Variants in TFRC observed in about 807,000 individuals in gnomAD.
TFRC encodes the protein transferrin receptor protein 1.
TFRC carries 35 observed loss-of-function variants against 85.8 expected under a neutral mutation model. The ratio of observed to expected loss-of-function variants is 0.41; its 90% CI spans 0.31 to 0.54. The LOEUF is 0.54. Among genes scored for constraint, TFRC ranks in the 20% least tolerant of loss-of-function variants. The pLI, the probability that TFRC is intolerant of heterozygous loss-of-function variation, is 0.31. For synonymous variants in TFRC, 362 were observed against 328.6 expected, an observed-to-expected ratio of 1.10 and a Z score of -1.10; for missense variants, 828 against 921.5, an observed-to-expected ratio of 0.90 and a Z score of 1.31.
At chr3:196,064,183 G>T in intron 11 of TFRC, 126 bp downstream of exon 11, 1 of 1,044,346 alleles carries the variant, frequency 9.6e-7, no homozygotes, top group Non-Finnish European at 1.3e-6. Flanking sequence ...AATCTGCCTT[G>T]TATTTAAGAA....
chr3:196,077,678 G>A (rs1431235824), intron 1 of TFRC, among the ~76,000 whole-genome samples: 2 of 152,076 alleles, frequency 1.3e-5, no homozygotes, highest in Non-Finnish European at 1.5e-5. Flanking sequence ...CGTGAACCCA[G>A]GAGGTGGAGC....
At chr3:196,057,175 G>C (rs111662410) in intron 16 of TFRC, among the ~76,000 whole-genome samples, 12,340 of 152,272 alleles carry the variant, frequency 0.081, 600 homozygotes, top group South Asian at 0.13. Context: ...AAAAGGCAGA[G>C]GTGGACAGCC....
intron 2 of TFRC, among the ~76,000 whole-genome samples, chr3:196,076,007 G>A (rs1473409835): frequency 9.3e-5 from 14 of 150,990 alleles, no homozygotes; most frequent in South Asian, 4.2e-4. Context: ...GCATGGTGTC[G>A]CACGCCTGTA....
chr3:196,071,857 T>C (rs942690069), intron 5 of TFRC, 146 bp downstream of exon 5: 11 of 842,312 alleles, frequency 1.3e-5, no homozygotes, highest in Middle Eastern at 3.6e-4. Context: ...TGAGCAGAGA[T>C]TGTGCCACTG....
intron 3 of TFRC, 146 bp downstream of exon 3, chr3:196,075,013 T>C (rs923504704): frequency 6.6e-6 from 5 of 762,190 alleles, no homozygotes; most frequent in Non-Finnish European, 1.0e-5. Flanking sequence ...GCCACTGCAC[T>C]CTAGCCTAGG....
intron 9 of TFRC, among the ~76,000 whole-genome samples, chr3:196,066,219 T>C (rs1442393110): frequency 2.6e-5 from 4 of 152,236 alleles, no homozygotes; most frequent in Non-Finnish European, 5.9e-5. Flanking sequence ...TTCTAATATA[T>C]AAAAGAATAT....
intron 1 of TFRC, among the ~76,000 whole-genome samples, chr3:196,078,964 G>A (rs958465844): frequency 6.6e-6 from 1 of 151,906 alleles, no homozygotes; most frequent in Admixed American, 6.6e-5. Flanking sequence ...AGTAGAGACG[G>A]GATTTTACCA....
rs41300431 is a variant in TFRC at position 196,077,427 on chromosome 3, A to G, written c.-23-305T>C. Among the ~76,000 whole-genome samples, 73,157 of 151,552 alleles carry G rather than the reference A, an allele frequency of 0.48. 19,388 individuals are homozygous for G. Among genetic ancestry groups the G allele is most frequent in the Non-Finnish European group, 0.61 (41,246 of 67,870 alleles). ...GGCCTCCCAAAGTGCTGCAATTATAAGTACGAACCACTATGTTCTGAGTAG... is the reference window on the plus strand; with the variant it reads ...GGCCTCCCAAAGTGCTGCAATTATAGGTACGAACCACTATGTTCTGAGTAG... On this transcript the variant is annotated intron_variant, in intron 1 of 18. Coordinates refer to ENST00000360110, the MANE Select transcript of TFRC (RefSeq NM_001128148.3).
intron 13 of TFRC, among the ~76,000 whole-genome samples, chr3:196,061,649 C>T (rs1003469974): frequency 1.1e-4 from 17 of 152,108 alleles, no homozygotes; most frequent in Non-Finnish European, 2.1e-4. Context: ...GCCACCACAC[C>T]CGGCTAATTT....
chr3:196,066,846 T>G (rs963566700), intron 9 of TFRC, among the ~76,000 whole-genome samples: 1 of 152,212 alleles, frequency 6.6e-6, no homozygotes, highest in Non-Finnish European at 1.5e-5. Flanking sequence ...TCAGAGAACC[T>G]ATGTCATACA....
rs1263128205 is a variant in TFRC, at chr3:196,060,259, T to C, written c.1469-12A>G. ...GAAGTTGCTGGTACCTGAAAATAAA[T>C]TGTTTTATCATTGCCCCTTCTCCAT... On this transcript the variant is annotated splice_polypyrimidine_tract_variant and intron_variant, in intron 13 of 18. Transcript: ENST00000360110. 5 of 1,612,720 alleles carry C rather than the reference T, an allele frequency of 3.1e-6. No homozygotes were observed. Among genetic ancestry groups the C allele is most frequent in the Admixed American group, 3.3e-5 (2 of 59,968 alleles).
intron 1 of TFRC, among the ~76,000 whole-genome samples, chr3:196,080,151 T>G (rs1029687993): frequency 1.3e-5 from 2 of 152,210 alleles, no homozygotes; most frequent in Non-Finnish European, 2.9e-5. Flanking sequence ...TCGCGCAGGC[T>G]GGAGTGCAGT....
intron 11 of TFRC, among the ~76,000 whole-genome samples, chr3:196,063,774 G>A (rs140061117): frequency 2.7e-5 from 4 of 148,754 alleles, no homozygotes; most frequent in South Asian, 2.1e-4. Flanking sequence ...AAAATTGGCC[G>A]GGTGTGGTTG....
chr3:196,055,034 A>T, intron 17 of TFRC, 46 bp downstream of exon 17: 1 of 1,565,564 alleles, frequency 6.4e-7, no homozygotes, highest in Non-Finnish European at 8.8e-7. Flanking sequence ...ATTTCAAAAT[A>T]CTTGACATTC....
At chr3:196,057,701 G>T (rs1417449781) in intron 16 of TFRC, among the ~76,000 whole-genome samples, 1 of 151,580 alleles carries the variant, frequency 6.6e-6, no homozygotes, top group African/African-American at 2.4e-5. Flanking sequence ...AGGCTGAAGG[G>T]GGAGGACTGC....
chr3:196,069,231 C>T (rs142110930), intron 7 of TFRC, among the ~76,000 whole-genome samples: 116 of 152,198 alleles, frequency 7.6e-4, no homozygotes, highest in Middle Eastern at 3.4e-3. Context: ...TCTGTATATG[C>T]GTAAAACTGA....
At chr3:196,076,989 T>C in intron 2 of TFRC, 75 bp downstream of exon 2, 12 of 1,374,874 alleles carry the variant, frequency 8.7e-6, no homozygotes, top group East Asian at 2.3e-5. Context: ...TATTATTTCA[T>C]GCTTACTCAG....
intron 13 of TFRC, chr3:196,062,356 G>A (rs1717350555): frequency 2.0e-6 from 1 of 493,984 alleles, no homozygotes; most frequent in Non-Finnish European, 3.6e-6. Flanking sequence ...ACATAGTGAA[G>A]CCCTGTCTCT....
In TFRC at chr3:196,061,216, G is replaced by C. The variant is rs1313748308; in HGVS notation, c.1469-969C>G. On this transcript the variant is annotated intron_variant, in intron 13 of 18. Transcript: ENST00000360110. ...GCCAGTGAACATTCAAACTCTTCTA[G>C]AAGTTTCATTATCCAATATTTCTAT... Among the ~76,000 whole-genome samples the C allele has an allele frequency of 1.3e-5, 2 of 152,078 alleles. 1 individual carries two copies. The highest frequency in any genetic ancestry group is 4.8e-5 in the African/African-American group (2 of 41,396).
Sources: allele counts gnomAD v4.1 joint callset (sites outside exome capture counted in the v4.1 genomes callset), GRCh38; gene constraint gnomAD v4.1.1; transcripts MANE v1.5; gene names NCBI Gene and HGNC (gene_info 2026-07-23, HGNC 2026-07-21).